The following DPP8 variants were observed in gnomAD, a reference collection of about 807,000 sequenced individuals.
The protein encoded by DPP8 is dipeptidyl peptidase 8, also known as DPP VIII.
Under a neutral mutation model 107.5 loss-of-function variants are expected in DPP8, and 31 were observed. That is an observed-to-expected ratio of 0.29 (90% confidence interval 0.22 to 0.39). The LOEUF is 0.39. DPP8 is among the 10% of genes least tolerant of loss of function. The probability of loss-of-function intolerance (pLI) is 1.00; values close to 1 mark genes in which losing one functional copy is unlikely to be tolerated. For missense variants in DPP8, 842 were observed against 1,076.1 expected (o/e 0.78, Z 3.04); for synonymous variants, 381 against 356.6 (o/e 1.07, Z -0.77).
At chr15:65,481,413 T>G in intron 9 of DPP8, 102 bp downstream of exon 9, 1 of 783,612 alleles carries the variant, frequency 1.3e-6, no homozygotes, top group Non-Finnish European at 2.1e-6. Context: ...CAAATTTACA[T>G]GTGAAGGCAG....
chr15:65,514,487 G>A (rs1049220177), intron 1 of DPP8, among the ~76,000 whole-genome samples: 3 of 152,072 alleles, frequency 2.0e-5, no homozygotes, highest in African/African-American at 7.2e-5. Flanking sequence ...AAATGTCAAC[G>A]GAACCAGTTT....
chr15:65,510,599 C>CACCA (rs1400459032), intron 2 of DPP8, among the ~76,000 whole-genome samples: 4 of 151,966 alleles, frequency 2.6e-5, no homozygotes, highest in Admixed American at 6.6e-5. Flanking sequence ...AGTGCAGTGG[C>CACCA]ACCATCTCAG....
rs1420259093 is a variant in DPP8, at chr15:65,446,026, TA to T, written c.*857del. The T allele has an allele frequency of 6.6e-6, 1 of 151,934 alleles. No homozygotes were observed. Among genetic ancestry groups the T allele is most frequent in the African/African-American group, 2.4e-5 (1 of 41,352 alleles). 9.4% of individuals were successfully genotyped at this position (151,934 alleles called of 1,614,324 possible). ...AATACCAAATGGAAACTGGCACCAC[TA>T]AATTTTCTGAAGAATTCTAGTGAAT... On this transcript the variant is annotated 3_prime_UTR_variant, in exon 20 of 20. Transcript: ENST00000300141.
chr15:65,490,068 T>C, intron 6 of DPP8, 121 bp downstream of exon 6: 4 of 643,634 alleles, frequency 6.2e-6, no homozygotes, highest in South Asian at 1.9e-5. Context: ...CATCATCACT[T>C]TGGAATCTAT....
intron 12 of DPP8, among the ~76,000 whole-genome samples, chr15:65,469,345 CACCCTT>C (rs199727326): frequency 0.024 from 3,624 of 151,786 alleles, 62 homozygotes; most frequent in Non-Finnish European, 0.032. Context: ...CTTTGAGAAC[CACCCTT>C]AACAATAAAA....
intron 15 of DPP8, among the ~76,000 whole-genome samples, chr15:65,461,227 C>T (rs892679261): frequency 8.5e-5 from 13 of 152,180 alleles, no homozygotes; most frequent in African/African-American, 2.9e-4. Context: ...TCACTGCAAC[C>T]TCGAACTCCT....
chr15:65,471,601 C>T (rs1005534099), intron 12 of DPP8, among the ~76,000 whole-genome samples: 1 of 149,498 alleles, frequency 6.7e-6, no homozygotes, highest in African/African-American at 2.5e-5. Context: ...ATCCTCTTGT[C>T]TTGGCCTCCC....
intron 17 of DPP8, among the ~76,000 whole-genome samples, chr15:65,453,432 T>TACAC (rs397973029): frequency 1.5e-4 from 23 of 151,226 alleles, no homozygotes; most frequent in East Asian, 5.8e-4. Context: ...AAGAAAAATA[T>TACAC]ACACACACAC....
intron 7 of DPP8, 136 bp from the exon 8 acceptor site, chr15:65,485,296 C>A (rs556669933): frequency 4.8e-6 from 3 of 626,080 alleles, no homozygotes; most frequent in South Asian, 3.7e-5. Context: ...GTAATCCCAG[C>A]ACTTTGGCAG....
chr15:65,487,943 T>A, intron 6 of DPP8, 125 bp from the exon 7 acceptor site: 1 of 673,420 alleles, frequency 1.5e-6, no homozygotes, highest in African/African-American at 1.9e-5. Flanking sequence ...ATATGCTGCC[T>A]TTTTTGTAGG....
At chr15:65,489,961 C>T (rs1336623050) in intron 6 of DPP8, among the ~76,000 whole-genome samples, 1 of 152,096 alleles carries the variant, frequency 6.6e-6, no homozygotes, top group Admixed American at 6.6e-5. Context: ...TCGGGTGATC[C>T]GCCTGCCTCG....
intron 9 of DPP8, among the ~76,000 whole-genome samples, chr15:65,481,033 A>G (rs886576260): frequency 6.6e-6 from 1 of 151,846 alleles, no homozygotes; most frequent in Non-Finnish European, 1.5e-5. Context: ...GCAGTGAGCC[A>G]TGATTGCACC....
intron 19 of DPP8, among the ~76,000 whole-genome samples, chr15:65,449,905 G>C (rs2140321071): frequency 6.6e-6 from 1 of 151,902 alleles, no homozygotes; most frequent in South Asian, 2.1e-4. Context: ...TTTTTGTTTT[G>C]GAATATAGTT....
Position 65,479,015 on chromosome 15 carries a change from GA to G in DPP8, c.1320del (p.Gln442LysfsTer29). On this transcript the variant is annotated frameshift_variant, in exon 11 of 20. Transcript: ENST00000300141. LOFTEE classifies it high-confidence loss of function. ...WINIHDIFHV[F>X]PQSHEEEIEF... ...TCAATTTCCTCTTCGTGACTTTGGGGAAAAACATGAAAGATGTCATGGATCT... is the reference window on the plus strand; with the variant it reads ...TCAATTTCCTCTTCGTGACTTTGGGGAAAACATGAAAGATGTCATGGATCT... The G allele has an allele frequency of 1.9e-6, 3 of 1,582,224 alleles. No homozygotes were observed. Among genetic ancestry groups the G allele is most frequent in the Non-Finnish European group, 2.6e-6 (3 of 1,168,250 alleles).
intron 11 of DPP8, among the ~76,000 whole-genome samples, chr15:65,477,513 T>C (rs1016321321): frequency 1.3e-5 from 2 of 151,798 alleles, no homozygotes; most frequent in African/African-American, 4.8e-5. Context: ...AATCTTGTTA[T>C]GTATACTTTT....
rs564292876 is a variant in DPP8 at position 65,480,733 on chromosome 15, G to A, written c.1119-334C>T. 8.1e-4 allele frequency among the ~76,000 whole-genome samples: 123 copies of A among 152,268 alleles called. 1 individual carries two copies. The South Asian group carries it at 0.025, about 31-fold the overall frequency. The stretch of plus-strand genomic sequence containing the variant: ...GGGCTGCTTGAGGCCAGGATTTCGA[G>A]CTTACAGTAAGCTACGATCATGCCA... On this transcript the variant is annotated intron_variant, in intron 9 of 19. Coordinates refer to ENST00000300141, the MANE Select transcript of DPP8 (RefSeq NM_130434.5).
chr15:65,495,699 G>A (rs1275321383), intron 5 of DPP8, among the ~76,000 whole-genome samples: 1 of 150,550 alleles, frequency 6.6e-6, no homozygotes, highest in Non-Finnish European at 1.5e-5. Flanking sequence ...AGAAGATTGA[G>A]AACACCCTGG....
chr15:65,472,870 T>C (rs2066022717), intron 12 of DPP8, among the ~76,000 whole-genome samples: 1 of 151,996 alleles, frequency 6.6e-6, no homozygotes, highest in Admixed American at 6.6e-5. Context: ...CGGAATCCCG[T>C]CTACAAAAAA....
chr15:65,465,167 CTTTTTTTTTTT>C (rs199937501), intron 14 of DPP8, among the ~76,000 whole-genome samples: 1 of 127,746 alleles, frequency 7.8e-6, no homozygotes, highest in East Asian at 2.2e-4. Flanking sequence ...TTTGTTTTTT[CTTTTTTTTTTT>C]TTTTTTTGAG....
Sources: allele counts gnomAD v4.1 joint callset (sites outside exome capture counted in the v4.1 genomes callset), GRCh38; gene constraint gnomAD v4.1.1; transcripts MANE v1.5; gene names NCBI Gene and HGNC (gene_info 2026-07-23, HGNC 2026-07-21).